IL31RA: variants seen among roughly 807,000 people sequenced by gnomAD.
The protein encoded by IL31RA is interleukin-31 receptor subunit alpha.
In IL31RA, 66 loss-of-function variants were observed where a neutral mutation model predicts 83.7. The ratio of observed to expected loss-of-function variants is 0.79; its 90% CI spans 0.65 to 0.97. The LOEUF is 0.97. IL31RA is among the 50% of genes least tolerant of loss of function. IL31RA has a pLI of 0.00. For missense variants in IL31RA, 798 were observed against 919.4 expected, an observed-to-expected ratio of 0.87 and a Z score of 1.71; for synonymous variants, 325 against 329.0, an observed-to-expected ratio of 0.99 and a Z score of 0.13.
In IL31RA at chr5:55,883,105, T is replaced by G; in HGVS notation, c.516T>G (p.Ile172Met). ...VKPVLGIKRMIQIEWIKPELA... is the reference protein window; with the variant it reads ...VKPVLGIKRMMQIEWIKPELA... ...CAGTTTTGGGCATCAAACGAATGAT[T>G]CAAATTGAATGGATAAAGCCTGAGT... is the stretch of plus-strand genomic sequence containing the variant. The change falls in exon 5 of 15, where the codon ATT becomes ATG. Residue 172 changes from isoleucine (I) to methionine (M), a missense_variant. Coordinates refer to ENST00000652347, the MANE Select transcript of IL31RA (RefSeq NM_139017.7). The G allele has an allele frequency of 6.2e-7, 1 of 1,614,050 alleles. No individual in the cohort carries two copies. The highest frequency in any genetic ancestry group is 1.3e-5 in the African/African-American group (1 of 75,048).
At chr5:55,886,268 C>CTTGCTCTTTTTTTTTTTTTTTTTT (rs1235138364) in intron 5 of IL31RA, among the ~76,000 whole-genome samples, 2 of 71,510 alleles carry the variant, frequency 2.8e-5, no homozygotes, top group African/African-American at 1.5e-4. Flanking sequence ...TGCTTGCTTG[C>CTTGCTCTTTTTTTTTTTTTTTTTT]TTTTTTTTTT....
chr5:55,873,108 A>G (rs1161148648), intron 4 of IL31RA, among the ~76,000 whole-genome samples: 1 of 152,122 alleles, frequency 6.6e-6, no homozygotes, highest in Non-Finnish European at 1.5e-5. Flanking sequence ...GGCAACCACT[A>G]ATCTATTTTC....
Position 55,899,789 on chromosome 5 carries a change from AC to A in IL31RA, c.853-125del. ...TCTTATTCATCCCTGGAGGGTAATT[AC>A]CTGATTGTAGTTTAGTATCTAATAG... On this transcript the variant is annotated intron_variant, in intron 7 of 14. Coordinates refer to ENST00000652347, the MANE Select transcript of IL31RA (RefSeq NM_139017.7). 7.0e-6 allele frequency: 5 copies of A among 719,022 alleles called. No individual in the cohort carries two copies. In the South Asian group the frequency reaches 7.5e-5, roughly 11 times the overall value. 44.5% of individuals were successfully genotyped at this position (719,022 alleles called of 1,614,324 possible). A position where few individuals can be genotyped will look rare whatever the true frequency, so the allele number is the denominator to read the frequency against.
Position 55,900,018 on chromosome 5 carries a change from C to T in IL31RA, c.955C>T (p.Gln319Ter). The change falls in exon 8 of 15, where the codon CAG (glutamine) becomes TAG (stop). Residue 319 changes from glutamine (Q) to a stop codon, truncating the protein, a stop_gained. Coordinates refer to ENST00000652347, the MANE Select transcript of IL31RA (RefSeq NM_139017.7). LOFTEE classifies it high-confidence loss of function. ...CACAGAAACAATGAACACTACTAAC[C>T]AGCAGCTTGAACTGCATCTGGGAGG... is the stretch of plus-strand genomic sequence containing the variant. ...NLTETMNTTN[Q>*]QLELHLGGES... is the part of the protein sequence containing the mutation. 6.2e-7 allele frequency: 1 copy of T among 1,613,858 alleles called. No homozygotes were observed. The highest frequency in any genetic ancestry group is 8.5e-7 in the Non-Finnish European group (1 of 1,179,714).
chr5:55,876,416 A>ATG, intron 4 of IL31RA, among the ~76,000 whole-genome samples: 1 of 152,300 alleles, frequency 6.6e-6, no homozygotes, highest in East Asian at 1.9e-4. Flanking sequence ...AAAAATATAT[A>ATG]TATTTTGATC....
intron 4 of IL31RA, among the ~76,000 whole-genome samples, chr5:55,880,473 T>A (rs1433560803): frequency 1.3e-5 from 2 of 152,098 alleles, no homozygotes; most frequent in Non-Finnish European, 2.9e-5. Context: ...CTCAAAAAAT[T>A]AAAAATTTTA....
chr5:55,847,252 T>TAAAAAAA (rs1215493786), upstream of IL31RA, among the ~76,000 whole-genome samples: 5 of 77,274 alleles, frequency 6.5e-5, no homozygotes, highest in African/African-American at 1.6e-4. Flanking sequence ...TAAAAATAAA[T>TAAAAAAA]AAATAAATAA....
At chr5:55,861,707 C>A (rs1391625880) in intron 2 of IL31RA, among the ~76,000 whole-genome samples, 1 of 151,982 alleles carries the variant, frequency 6.6e-6, no homozygotes, top group Admixed American at 6.6e-5. Context: ...TAATTACAGA[C>A]ACTGTGGCTC....
intron 6 of IL31RA, among the ~76,000 whole-genome samples, chr5:55,894,559 T>TA (rs902515458): frequency 6.6e-6 from 1 of 152,214 alleles, no homozygotes; most frequent in African/African-American, 2.4e-5. Flanking sequence ...ATCCTGGGCC[T>TA]AACAGCTAGA....
At chr5:55,840,075 C>T in the IL31RA span, 67 of 361,284 alleles carry the variant, frequency 1.9e-4, 2 homozygotes, top group Non-Finnish European at 2.7e-4. Context: ...CTGACTTCGG[C>T]AGGGCTAAAA....
At chr5:55,908,495 C>G (rs777038541) in intron 11 of IL31RA, 84 bp downstream of exon 11, 1 of 1,613,028 alleles carries the variant, frequency 6.2e-7, no homozygotes, top group Admixed American at 1.7e-5. Flanking sequence ...CATGGCTCCC[C>G]CATCTCATTG....
chr5:55,891,111 T>G (rs888528761), intron 6 of IL31RA, among the ~76,000 whole-genome samples: 2 of 152,244 alleles, frequency 1.3e-5, no homozygotes, highest in Non-Finnish European at 2.9e-5. Flanking sequence ...CCTATTCTTA[T>G]TATTTATCCT....
chr5:55,867,157 T>TG (rs1746141730), intron 2 of IL31RA, among the ~76,000 whole-genome samples: 27 of 55,056 alleles, frequency 4.9e-4, no homozygotes, highest in East Asian at 5.2e-4. Context: ...GCATGTGTGT[T>TG]TGTGTGTGTG....
intron 8 of IL31RA, among the ~76,000 whole-genome samples, chr5:55,905,200 CAAAAA>C (rs34211603): frequency 2.8e-5 from 2 of 72,580 alleles, no homozygotes; most frequent in African/African-American, 4.6e-5. Flanking sequence ...GACTCTGCCT[CAAAAA>C]AAAAAAAAAA....
chr5:55,840,641 T>C, the IL31RA span, among the ~76,000 whole-genome samples: 1 of 152,220 alleles, frequency 6.6e-6, no homozygotes. Context: ...TAAATTTCAT[T>C]CTCTCCACCT....
intron 14 of IL31RA, among the ~76,000 whole-genome samples, chr5:55,915,601 A>G (rs1561127645): frequency 6.6e-6 from 1 of 152,178 alleles, no homozygotes; most frequent in Non-Finnish European, 1.5e-5. Flanking sequence ...TTTTTCCTTG[A>G]TGCACAAATT....
intron 4 of IL31RA, among the ~76,000 whole-genome samples, chr5:55,873,349 G>T (rs1021955426): frequency 3.3e-5 from 5 of 152,048 alleles, no homozygotes; most frequent in African/African-American, 1.2e-4. Flanking sequence ...TGATTATTAT[G>T]AATAATGTTG....
chr5:55,851,305 T>C (rs1745052773), upstream of IL31RA: 14 of 538,618 alleles, frequency 2.6e-5, no homozygotes, highest in East Asian at 4.6e-4. Context: ...AACAGTACTA[T>C]GACTCATGCC....
chr5:55,873,387 T>C (rs1405616460), intron 4 of IL31RA, among the ~76,000 whole-genome samples: 1 of 152,138 alleles, frequency 6.6e-6, no homozygotes, highest in East Asian at 1.9e-4. Flanking sequence ...CAATTTTTTG[T>C]GTGGACATGT....
Sources: allele counts gnomAD v4.1 joint callset (sites outside exome capture counted in the v4.1 genomes callset), GRCh38; gene constraint gnomAD v4.1.1; transcripts MANE v1.5; gene names NCBI Gene and HGNC (gene_info 2026-07-23, HGNC 2026-07-21).